The following POU2AF1 variants were observed in gnomAD, a reference collection of about 807,000 sequenced individuals.
The protein encoded by POU2AF1 is POU class 2 homeobox associating factor 1, also known as POU domain class 2-associating factor 1.
In POU2AF1, 12 loss-of-function variants were observed where a neutral mutation model predicts 26.3. The observed-to-expected ratio is 0.46, with a 90% CI of 0.29 to 0.74. POU2AF1 has a LOEUF of 0.74. Ranked by LOEUF, POU2AF1 falls within the 30% of genes least tolerant of loss-of-function variation. The pLI, the probability that POU2AF1 is intolerant of heterozygous loss-of-function variation, is 0.09. For synonymous variants in POU2AF1, 175 were observed against 148.0 expected (o/e 1.18, Z -1.32); for missense variants, 297 against 334.5 (o/e 0.89, Z 0.87).
At chr11:111,363,493 C>T in intron 1 of POU2AF1, 2 of 1,006,932 alleles carry the variant, frequency 2.0e-6, no homozygotes, top group South Asian at 9.3e-5. Flanking sequence ...CTCCCTACTG[C>T]CACCAGCATG....
At chr11:111,369,404 T>G (rs1861166285) in intron 1 of POU2AF1, among the ~76,000 whole-genome samples, 1 of 152,218 alleles carries the variant, frequency 6.6e-6, no homozygotes, top group Non-Finnish European at 1.5e-5. Context: ...TCCCTTGTCC[T>G]GACCTCAGAT....
At chr11:111,361,075 A>T (rs1218625653) in intron 1 of POU2AF1, among the ~76,000 whole-genome samples, 2 of 152,184 alleles carry the variant, frequency 1.3e-5, no homozygotes, top group Non-Finnish European at 2.9e-5. Flanking sequence ...TCCTTATTTT[A>T]ACTTCCCCTG....
chr11:111,361,469 G>A (rs1322386125), intron 1 of POU2AF1, among the ~76,000 whole-genome samples: 3 of 152,146 alleles, frequency 2.0e-5, no homozygotes, highest in African/African-American at 4.8e-5. Flanking sequence ...TTTGTAAAAC[G>A]GGAATAATAA....
intron 1 of POU2AF1, among the ~76,000 whole-genome samples, chr11:111,375,915 A>T (rs935826012): frequency 1.3e-5 from 2 of 152,276 alleles, no homozygotes; most frequent in African/African-American, 4.8e-5. Flanking sequence ...CTTTATTTAC[A>T]AATGGAGTGG....
At chr11:111,358,306 ACT>A (rs757459978) in intron 2 of POU2AF1, among the ~76,000 whole-genome samples, 12 of 147,184 alleles carry the variant, frequency 8.2e-5, no homozygotes, top group Non-Finnish European at 1.2e-4. Context: ...AAACACACAC[ACT>A]CTCTCACACA....
intron 2 of POU2AF1, among the ~76,000 whole-genome samples, chr11:111,358,318 ACGTACTCT>A (rs1247442416): frequency 2.1e-5 from 3 of 144,672 alleles, no homozygotes; most frequent in East Asian, 2.0e-4. Flanking sequence ...TCTCTCACAC[ACGTACTCT>A]CTCACACACT....
At position 111,357,528 on chromosome 11, in the gene POU2AF1, G is replaced by A; in HGVS notation, c.373C>T (p.Gln125Ter). ...SCPYSADMYV[Q>*]PVCPSYTVVG... ...ACCGTGTAGCTGGGGCACACGGGCT[G>A]CACATACATGTCAGCTGAGTAGGGG... The change falls in exon 4 of 5, where the codon CAG becomes TAG. Residue 125 changes from glutamine to a stop codon, truncating the protein, a stop_gained. Coordinates refer to ENST00000393067, the MANE Select transcript of POU2AF1 (RefSeq NM_006235.3). LOFTEE classifies it high-confidence loss of function. 1 of 1,614,174 alleles carries A rather than the reference G, an allele frequency of 6.2e-7. No homozygotes were observed. Among genetic ancestry groups the A allele is most frequent in the Non-Finnish European group, 8.5e-7 (1 of 1,180,026 alleles).
In POU2AF1 at chr11:111,360,264, G is replaced by A. The variant is rs528642059; in HGVS notation, c.17-1346C>T. 3.3e-4 allele frequency among the ~76,000 whole-genome samples: 50 copies of A among 152,296 alleles called. 1 individual carries two copies. The highest frequency in any genetic ancestry group is 6.8e-3 in the Middle Eastern group (2 of 294). On this transcript the variant is annotated intron_variant, in intron 1 of 4. Transcript: ENST00000393067. ...CACAGGGAGCCCATTATTATCCACC[G>A]ATAAGGGCCCCAGGGACCTGGGCTC...
At position 111,352,835 on chromosome 11, in the gene POU2AF1, C is replaced by G. The variant is rs1860751960; in HGVS notation, c.*1426G>C. 5.8e-6 allele frequency: 1 copy of G among 172,096 alleles called. No individual in the cohort carries two copies. Among genetic ancestry groups the G allele is most frequent in the Non-Finnish European group, 1.3e-5 (1 of 79,782 alleles). The allele number at this position is 172,096 out of a possible 1,614,324, so 10.7% of individuals were successfully genotyped here. ...TGTAATCCCAGCTACTCGGGAGGCT[C>G]AGGCAGGAGAATCACTTGAACTTGG... On this transcript the variant is annotated 3_prime_UTR_variant, in exon 5 of 5. Transcript: ENST00000393067.
chr11:111,372,347 C>T (rs576740588), intron 1 of POU2AF1, among the ~76,000 whole-genome samples: 4 of 152,176 alleles, frequency 2.6e-5, no homozygotes, highest in Non-Finnish European at 4.4e-5. Flanking sequence ...TTTTCTTCAA[C>T]AGGTAAGCTG....
intron 2 of POU2AF1, 131 bp downstream of exon 2, chr11:111,358,657 C>A: frequency 8.8e-7 from 1 of 1,140,946 alleles, no homozygotes; most frequent in Non-Finnish European, 1.3e-6. Context: ...CTCTCACACA[C>A]TCTATCACAC....
chr11:111,361,623 G>A (rs1815948), intron 1 of POU2AF1, among the ~76,000 whole-genome samples: 1 of 152,076 alleles, frequency 6.6e-6, no homozygotes, highest in African/African-American at 2.4e-5. Context: ...CTTTCGGGGG[G>A]ATATTATCAT....
intron 1 of POU2AF1, 56 bp downstream of exon 1, chr11:111,379,106 T>C: frequency 6.2e-7 from 1 of 1,610,564 alleles, no homozygotes; most frequent in East Asian, 2.2e-5. Flanking sequence ...CAAGCTGTGA[T>C]CGCCCTGCCC....
At chr11:111,374,631 G>T (rs767839199) in intron 1 of POU2AF1, among the ~76,000 whole-genome samples, 2 of 152,222 alleles carry the variant, frequency 1.3e-5, no homozygotes, top group African/African-American at 2.4e-5. Context: ...GGAGGCAGAG[G>T]TTGCAGTGAG....
chr11:111,354,486 G>A lies in POU2AF1; in HGVS notation c.546C>T (p.Pro182=), dbSNP rs1860803874. ...APLTYFPWPQ[P]LSTLPTSTLQ... is the part of the protein sequence containing the mutation. ...GGGTGGAGGTGGGTAGTGTGGAAAG[G>A]GGCTGAGGCCACGGGAAATAGGTGA... The change falls in exon 5 of 5, where the codon CCC becomes CCT. Residue 182 remains proline, a synonymous_variant. Coordinates refer to ENST00000393067, the MANE Select transcript of POU2AF1 (RefSeq NM_006235.3). The A allele has an allele frequency of 6.9e-6, 11 of 1,604,010 alleles. No homozygotes were observed. The highest frequency in any genetic ancestry group is 1.8e-5 in the Admixed American group (1 of 56,946).
chr11:111,379,219 G>A lies in POU2AF1; in HGVS notation c.-42C>T. The stretch of plus-strand genomic sequence containing the variant: ...TTGCCTTTTCTCTTTGAAGCCGACA[G>A]TTTGGCTTCTTTAATGTGAGACCGG... On this transcript the variant is annotated 5_prime_UTR_variant, in exon 1 of 5. Transcript: ENST00000393067. 1 of 1,613,648 alleles carries A rather than the reference G, an allele frequency of 6.2e-7. No homozygotes were observed. The highest frequency in any genetic ancestry group is 8.5e-7 in the Non-Finnish European group (1 of 1,179,518).
chr11:111,370,309 C>T (rs2135133228), intron 1 of POU2AF1, among the ~76,000 whole-genome samples: 1 of 152,242 alleles, frequency 6.6e-6, no homozygotes, highest in East Asian at 1.9e-4. Flanking sequence ...GTCACTTGGT[C>T]AGTTTTTTAG....
intron 2 of POU2AF1, among the ~76,000 whole-genome samples, 178 bp from the exon 3 acceptor site, chr11:111,358,015 T>C (rs2135111214): frequency 6.6e-6 from 1 of 152,210 alleles, no homozygotes; most frequent in East Asian, 1.9e-4. Flanking sequence ...GAGATTTGCG[T>C]TTCTATTTAG....
chr11:111,379,010 C>A, intron 1 of POU2AF1, 152 bp downstream of exon 1: 2 of 644,690 alleles, frequency 3.1e-6, no homozygotes, highest in Non-Finnish European at 5.2e-6. Context: ...CCGCCCACCT[C>A]CCCCCTCCCT....
Sources: gnomAD v4.1 joint callset for allele counts (sites outside exome capture counted in the v4.1 genomes callset) on GRCh38, gnomAD v4.1.1 for gene constraint, MANE v1.5 for transcripts, NCBI Gene and HGNC (gene_info 2026-07-23, HGNC 2026-07-21) for gene names.